SLC35F5: variants seen among roughly 807,000 people sequenced by gnomAD.
SLC35F5 encodes HCV NS5A-transactivated protein 3.
Under a neutral mutation model 68.6 loss-of-function variants are expected in SLC35F5, and 54 were observed. The ratio of observed to expected loss-of-function variants is 0.79; its 90% confidence interval spans 0.63 to 0.99. The LOEUF (loss-of-function observed/expected upper bound fraction) is 0.99. Among genes scored for constraint, SLC35F5 ranks in the 50% least tolerant of loss-of-function variants. The probability of loss-of-function intolerance (pLI) is 0.00; values close to 1 mark genes in which losing one functional copy is unlikely to be tolerated. For missense variants in SLC35F5, 567 were observed against 626.9 expected (o/e 0.90, Z 1.02); for synonymous variants, 211 against 205.2 (o/e 1.03, Z -0.24).
intron 11 of SLC35F5, among the ~76,000 whole-genome samples, chr2:113,728,420 G>A (rs78500044): frequency 0.1 from 15,696 of 152,118 alleles, 915 homozygotes; most frequent in Non-Finnish European, 0.13. Context: ...GATCACAGGC[G>A]TGAGCCACAA....
intron 7 of SLC35F5, among the ~76,000 whole-genome samples, chr2:113,737,650 G>T (rs907858134): frequency 7.2e-5 from 11 of 152,104 alleles, no homozygotes; most frequent in African/African-American, 2.4e-4. Flanking sequence ...CCATGCTAAT[G>T]CAAGGTAAAT....
intron 4 of SLC35F5, among the ~76,000 whole-genome samples, chr2:113,749,150 C>T (rs1387998880): frequency 6.6e-6 from 1 of 152,188 alleles, no homozygotes; most frequent in African/African-American, 2.4e-5. Context: ...CTCGGCCTCC[C>T]AGCATGCTGG....
At chr2:113,748,836 T>G (rs1003012811) in intron 4 of SLC35F5, among the ~76,000 whole-genome samples, 1 of 71,646 alleles carries the variant, frequency 1.4e-5, no homozygotes, top group African/African-American at 4.6e-5. Context: ...AGACGGAGTT[T>G]CACTGTCACC....
At chr2:113,751,480 C>T (rs375018241) in intron 3 of SLC35F5, among the ~76,000 whole-genome samples, 6 of 152,154 alleles carry the variant, frequency 3.9e-5, no homozygotes, top group South Asian at 4.1e-4. Flanking sequence ...AACTCTAGGA[C>T]GTAAATGGTG....
rs145493141 is a variant in SLC35F5 at position 113,744,064 on chromosome 2, T to A, written c.481-270A>T. Among the ~76,000 whole-genome samples, 475 of 152,338 alleles carry A rather than the reference T, an allele frequency of 3.1e-3. 6 individuals carry two copies. The highest frequency in any genetic ancestry group is 0.011 in the African/African-American group (454 of 41,574). On this transcript the variant is annotated intron_variant, in intron 5 of 15. Transcript: ENST00000245680. ...AATATTTAAATGTCATAAAAACATA[T>A]CTCTTTCTTAGCTAACAGATTCCAT...
intron 1 of SLC35F5, 26 bp from the exon 2 acceptor site, chr2:113,755,570 A>G: frequency 6.3e-7 from 1 of 1,589,086 alleles, no homozygotes; most frequent in Non-Finnish European, 8.6e-7. Flanking sequence ...AAATTATGCT[A>G]TGAAAACGTG....
intron 7 of SLC35F5, among the ~76,000 whole-genome samples, chr2:113,739,327 A>G (rs1278712773): frequency 6.6e-6 from 1 of 151,118 alleles, no homozygotes; most frequent in Non-Finnish European, 1.5e-5. Flanking sequence ...TTGTTTTTCA[A>G]TCTCTATTAT....
intron 9 of SLC35F5, chr2:113,733,420 T>A (rs1163504002): frequency 3.0e-6 from 1 of 335,156 alleles, no homozygotes; most frequent in African/African-American, 2.3e-5. Flanking sequence ...TAAGATAACA[T>A]GAAGAAAAGT....
chr2:113,739,911 A>G (rs1298362456), intron 7 of SLC35F5, among the ~76,000 whole-genome samples: 1 of 152,244 alleles, frequency 6.6e-6, no homozygotes. Flanking sequence ...CTTACAATAA[A>G]GTAAGCTAAA....
At chr2:113,739,762 G>C (rs929922076) in intron 7 of SLC35F5, among the ~76,000 whole-genome samples, 3 of 152,000 alleles carry the variant, frequency 2.0e-5, no homozygotes, top group African/African-American at 7.3e-5. Context: ...CAAACCCTCA[G>C]GCAATAAAAA....
chr2:113,730,671 C>T (rs980678284), intron 10 of SLC35F5, among the ~76,000 whole-genome samples: 4 of 152,160 alleles, frequency 2.6e-5, no homozygotes, highest in Admixed American at 6.5e-5. Context: ...TGGCCTCAAG[C>T]GATCCTCCCA....
At position 113,710,519 on chromosome 2, in the gene SLC35F5, C is replaced by A. The variant is rs925483854; in HGVS notation, c.*4699G>T. Among the ~76,000 whole-genome samples, 1 of 152,136 alleles carries A rather than the reference C, an allele frequency of 6.6e-6. No homozygotes were observed. Among genetic ancestry groups the A allele is most frequent in the Non-Finnish European group, 1.5e-5 (1 of 68,050 alleles). Reference sequence around the variant, plus strand: ...CCAGGGCGGGCAGATTACTTGAGCTCAGGAGTTCAAGAGCAGCCTGGCCAA... The same window carrying A: ...CCAGGGCGGGCAGATTACTTGAGCTAAGGAGTTCAAGAGCAGCCTGGCCAA... On this transcript the variant is annotated 3_prime_UTR_variant, in exon 16 of 16. Coordinates refer to ENST00000245680, the MANE Select transcript of SLC35F5 (RefSeq NM_025181.5).
chr2:113,715,312 T>C (rs1423210994), intron 15 of SLC35F5, 117 bp from the exon 16 acceptor site: 1 of 152,234 alleles, frequency 6.6e-6, no homozygotes. Context: ...TTTCACTGTA[T>C]ACATACTTAA....
At chr2:113,732,993 T>C (rs2900744) in intron 9 of SLC35F5, among the ~76,000 whole-genome samples, 106,850 of 152,080 alleles carry the variant, frequency 0.7, 38,183 homozygotes, top group Middle Eastern at 0.82. Context: ...AAGATTGTTG[T>C]TATGTAAAAT....
In SLC35F5 at chr2:113,723,192, C is replaced by A. The variant is rs768064286; in HGVS notation, c.1253G>T (p.Gly418Val). 2 of 1,565,828 alleles carry A rather than the reference C, an allele frequency of 1.3e-6. No individual in the cohort carries two copies. The highest frequency in any genetic ancestry group is 1.4e-5 in the African/African-American group (1 of 72,534). Residue 418 changes from glycine to valine, a missense_variant and splice_region_variant, in exon 13 of 16, where the codon GGC becomes GTC. By Grantham distance (109) the Gly-to-Val change is moderately radical (BLOSUM62 -3). Coordinates refer to ENST00000245680, the MANE Select transcript of SLC35F5 (RefSeq NM_025181.5). ...TATCAATGATGAGGTAAGAAAGCAG[C>A]CCCTAAAAAAAAGAAAATATACATT... ...TVLSEFLWLW[G>V]CFLTSSLIGT...
chr2:113,733,358 T>A (rs752992201), intron 9 of SLC35F5: 8 of 360,142 alleles, frequency 2.2e-5, no homozygotes, highest in South Asian at 1.8e-4. Context: ...TCTGTCAAAA[T>A]ACTTACAAGT....
chr2:113,749,046 G>A (rs1163116077), intron 4 of SLC35F5, among the ~76,000 whole-genome samples: 2 of 152,124 alleles, frequency 1.3e-5, no homozygotes, highest in Non-Finnish European at 2.9e-5. Context: ...CTCATGATTC[G>A]CCCCCTCGGC....
At chr2:113,705,834 T>C (rs1686785892), downstream of SLC35F5, among the ~76,000 whole-genome samples, 2 of 152,182 alleles carry the variant, frequency 1.3e-5, no homozygotes, top group South Asian at 4.1e-4. Flanking sequence ...CACTGAAAAA[T>C]ATTTTTCATG....
At position 113,712,491 on chromosome 2, in the gene SLC35F5, A is replaced by AT. The variant is rs1160915191; in HGVS notation, c.*2726dup. On this transcript the variant is annotated 3_prime_UTR_variant, in exon 16 of 16. Coordinates refer to ENST00000245680, the MANE Select transcript of SLC35F5 (RefSeq NM_025181.5). ...CCACCACGCCCGGCTAATTCTTTGT[A>AT]TTTTTAGTAGAGACGGGGTTTCACT... Among the ~76,000 whole-genome samples, 2 of 151,260 alleles carry AT rather than the reference A, an allele frequency of 1.3e-5. No homozygotes were observed. Among genetic ancestry groups the AT allele is most frequent in the African/African-American group, 4.9e-5 (2 of 41,110 alleles).
Sources: gnomAD v4.1 joint callset for allele counts (sites outside exome capture counted in the v4.1 genomes callset) on GRCh38, gnomAD v4.1.1 for gene constraint, MANE v1.5 for transcripts, NCBI Gene and HGNC (gene_info 2026-07-23, HGNC 2026-07-21) for gene names.